Variants in IRF2BPL observed in about 807,000 individuals in gnomAD.
IRF2BPL encodes interferon regulatory factor 2 binding protein like.
Under a neutral mutation model 51.2 loss-of-function variants are expected in IRF2BPL, and 13 were observed. The observed-to-expected ratio is 0.25, with a 90% CI of 0.17 to 0.40. The LOEUF (loss-of-function observed/expected upper bound fraction) is 0.40, where lower values mean the gene tolerates loss of function less well. Ranked by LOEUF, IRF2BPL falls within the 10% of genes least tolerant of loss-of-function variation. The pLI is 1.00. For synonymous variants in IRF2BPL, 768 were observed against 509.2 expected, an observed-to-expected ratio of 1.51 and a Z score of -6.84; for missense variants, 1,210 against 1,111.8, an observed-to-expected ratio of 1.09 and a Z score of -1.26.
Position 77,025,386 on chromosome 14 carries a change from G to A in IRF2BPL, c.*16C>T, listed in dbSNP as rs1284639534. ...GAGGAGCTGGTCTAGGGCAAAGGAGGTGGCTGCCCAGTGGTTCAAGGGTCT... is the reference window on the plus strand; with the variant it reads ...GAGGAGCTGGTCTAGGGCAAAGGAGATGGCTGCCCAGTGGTTCAAGGGTCT... On this transcript the variant is annotated 3_prime_UTR_variant, in exon 1 of 1. Transcript: ENST00000238647. 1 of 1,518,920 alleles carries A rather than the reference G, an allele frequency of 6.6e-7. No individual in the cohort carries two copies. Among genetic ancestry groups the A allele is most frequent in the African/African-American group, 1.4e-5 (1 of 72,064 alleles). 94.1% of individuals were successfully genotyped at this position (1,518,920 alleles called of 1,614,324 possible).
In IRF2BPL at chr14:77,026,344, G is replaced by C. The variant is rs754262690; in HGVS notation, c.1449C>G (p.Arg483=). Residue 483 remains arginine (R), a synonymous_variant, in exon 1 of 1, where the codon CGC becomes CGG. Transcript: ENST00000238647. ...LLGDLLPEAV[R]FFKEGVPGAD... ...CGCCGGGCACGCCCTCCTTGAAGAA[G>C]CGCACGGCTTCGGGGAGCAGGTCTC... 2 of 1,600,090 alleles carry C rather than the reference G, an allele frequency of 1.2e-6. No individual in the cohort carries two copies. The highest frequency in any genetic ancestry group is 2.2e-5 in the South Asian group (2 of 89,352).
Position 77,026,531 on chromosome 14 carries a change from A to G in IRF2BPL, c.1262T>C (p.Ile421Thr). 2 of 1,613,782 alleles carry G rather than the reference A, an allele frequency of 1.2e-6. No homozygotes were observed. The highest frequency in any genetic ancestry group is 1.7e-6 in the Non-Finnish European group (2 of 1,180,020). ...GTTGCCCGAGCCCGTGGGGTACTCA[A>G]TGAACAGCTTCAATTCGTAGTCCAT... ...PGMDYELKLF[I>T]EYPTGSGNVY... is the part of the protein sequence containing the mutation. The change falls in exon 1 of 1, where the codon ATT (isoleucine) becomes ACT (threonine). Residue 421 changes from isoleucine to threonine, a missense_variant. Transcript: ENST00000238647.
chr14:77,027,843 C>T lies in IRF2BPL; in HGVS notation c.-51G>A, dbSNP rs779147196. 8.9e-5 allele frequency: 129 copies of T among 1,451,174 alleles called. No homozygotes were observed. Among genetic ancestry groups the T allele is most frequent in the Admixed American group, 1.8e-4 (8 of 43,632 alleles). The allele number at this position is 1,451,174 out of a possible 1,614,324, so 89.9% of individuals were successfully genotyped here. Reference sequence around the variant, plus strand: ...CCCCGCCCGGGCTGTCTCCGCGGCGCCTTCTCCTCCGGGAGGACTGGCCGG... The same window carrying T: ...CCCCGCCCGGGCTGTCTCCGCGGCGTCTTCTCCTCCGGGAGGACTGGCCGG... On this transcript the variant is annotated 5_prime_UTR_variant, in exon 1 of 1. Coordinates refer to ENST00000238647, the MANE Select transcript of IRF2BPL (RefSeq NM_024496.4).
chr14:77,027,887 T>G lies in IRF2BPL; in HGVS notation c.-95A>C. The G allele has an allele frequency of 1.5e-6, 2 of 1,346,920 alleles. No individual in the cohort carries two copies. Among genetic ancestry groups the G allele is most frequent in the South Asian group, 1.6e-5 (1 of 62,020 alleles). The allele number at this position is 1,346,920 out of a possible 1,614,324, so 83.4% of individuals were successfully genotyped here. A position where few individuals can be genotyped will look rare whatever the true frequency, so the allele number is the denominator to read the frequency against. On this transcript the variant is annotated 5_prime_UTR_variant, in exon 1 of 1. Coordinates refer to ENST00000238647, the MANE Select transcript of IRF2BPL (RefSeq NM_024496.4). Reference sequence around the variant, plus strand: ...TGGCCGGCTGGGGAGGGAGTCCGACTGCGGGGGAGGGAGGAGGGGGGGCGA... The same window carrying G: ...TGGCCGGCTGGGGAGGGAGTCCGACGGCGGGGGAGGGAGGAGGGGGGGCGA...
At position 77,027,140 on chromosome 14, in the gene IRF2BPL, G is replaced by T. The variant is rs148905018; in HGVS notation, c.653C>A (p.Ser218Tyr). 3.1e-6 allele frequency: 5 copies of T among 1,613,008 alleles called. No individual in the cohort carries two copies. In the African/African-American group the frequency reaches 4.0e-5, roughly 13 times the overall value. The part of the protein sequence containing the change: ...PPELNRQSPN[S>Y]SSAAASVASR... ...CGCCACCGACGCCGCCGCTGAAGAA[G>T]AATTGGGGCTCTGACGGTTCAGCTC... Residue 218 changes from serine to tyrosine, a missense_variant, in exon 1 of 1, where the codon TCT becomes TAT. Ser to Tyr is a moderately radical substitution (Grantham distance 144). Transcript: ENST00000238647.
Position 77,025,708 on chromosome 14 carries a change from G to C in IRF2BPL, c.2085C>G (p.Asp695Glu). 7.0e-6 allele frequency: 11 copies of C among 1,569,072 alleles called. No homozygotes were observed. Among genetic ancestry groups the C allele is most frequent in the Non-Finnish European group, 9.5e-6 (11 of 1,155,924 alleles). The change falls in exon 1 of 1, where the codon GAC becomes GAG. Residue 695 changes from aspartate (D) to glutamate (E), a missense_variant. Asp to Glu is a conservative substitution (Grantham distance 45, BLOSUM62 2). Coordinates refer to ENST00000238647, the MANE Select transcript of IRF2BPL (RefSeq NM_024496.4). ...CCGGAATGTTTTGGGGGTGCACTTG[G>C]TCCATGCCCGGGTGGGCGCTAGGCG... ...PPPPSAHPGMDQVHPQNIPDS... is the reference protein window; with the variant it reads ...PPPPSAHPGMEQVHPQNIPDS...
rs1566786860 is a variant in IRF2BPL at position 77,027,446 on chromosome 14, TGCTGTTGCTGCTGCTGCTGC to T, written c.327_346del (p.Gln110AlafsTer16). The T allele has an allele frequency of 1.7e-5, 17 of 973,304 alleles. No homozygotes were observed. The African/African-American group carries it at 2.4e-4, about 14-fold the overall frequency. 60.3% of individuals were successfully genotyped at this position (973,304 alleles called of 1,614,324 possible). On this transcript the variant is annotated frameshift_variant, in exon 1 of 1. Coordinates refer to ENST00000238647, the MANE Select transcript of IRF2BPL (RefSeq NM_024496.4). LOFTEE classifies it high-confidence loss of function. ...CTGCTGCTGCTGCTGCTGCTGCTGC[TGCTGTTGCTGCTGCTGCTGC>T]TGCTGTTGCTGTTGCTGTTGCGCGG...
At position 77,026,843 on chromosome 14, in the gene IRF2BPL, G is replaced by A. The variant is rs199617124; in HGVS notation, c.950C>T (p.Ser317Phe). 3.7e-6 allele frequency: 6 copies of A among 1,609,740 alleles called. No homozygotes were observed. The highest frequency in any genetic ancestry group is 2.7e-5 in the African/African-American group (2 of 74,804). The change falls in exon 1 of 1, where the codon TCT becomes TTT. Residue 317 changes from serine (S) to phenylalanine (F), a missense_variant. Transcript: ENST00000238647. ...CACGCCCACCTCTGCCACCGACGAA[G>A]AGGTCGAAGACGACGCGGAGGACGA... ...ATSSSASSST[S>F]SSVAEVGVGA...
rs1192599189 is a variant in IRF2BPL at position 77,026,682 on chromosome 14, T to G, written c.1111A>C (p.Lys371Gln). The change falls in exon 1 of 1, where the codon AAG becomes CAG. Residue 371 changes from lysine (K) to glutamine (Q), a missense_variant. Lys to Gln is a moderately conservative substitution (Grantham distance 53). Coordinates refer to ENST00000238647, the MANE Select transcript of IRF2BPL (RefSeq NM_024496.4). ...LRNRAEEWAS[K>Q]PKMVRDTLLT... ...AGCGTGTCGCGGACCATCTTGGGCT[T>G]GCTGGCCCACTCCTCGGCGCGGTTG... 1 of 1,612,988 alleles carries G rather than the reference T, an allele frequency of 6.2e-7. No homozygotes were observed. Among genetic ancestry groups the G allele is most frequent in the Non-Finnish European group, 8.5e-7 (1 of 1,179,674 alleles).
chr14:77,026,544 A>T lies in IRF2BPL; in HGVS notation c.1249T>A (p.Leu417Met), dbSNP rs764414828. ...AVSKPGMDYE[L>M]KLFIEYPTGS... Reference sequence around the variant, plus strand: ...GTGGGGTACTCAATGAACAGCTTCAATTCGTAGTCCATGCCGGGCTTGGAG... The same window carrying T: ...GTGGGGTACTCAATGAACAGCTTCATTTCGTAGTCCATGCCGGGCTTGGAG... The change falls in exon 1 of 1, where the codon TTG becomes ATG. Residue 417 changes from leucine to methionine, a missense_variant. By Grantham distance (15) the Leu-to-Met change is conservative. Coordinates refer to ENST00000238647, the MANE Select transcript of IRF2BPL (RefSeq NM_024496.4). 1 of 1,613,822 alleles carries T rather than the reference A, an allele frequency of 6.2e-7. No individual in the cohort carries two copies. Among genetic ancestry groups the T allele is most frequent in the African/African-American group, 1.3e-5 (1 of 75,056 alleles).
rs914629796 is a variant in IRF2BPL, at chr14:77,025,758, G to A, written c.2035C>T (p.Leu679=). 1.9e-6 allele frequency: 3 copies of A among 1,598,860 alleles called. No individual in the cohort carries two copies. Among genetic ancestry groups the A allele is most frequent in the African/African-American group, 1.3e-5 (1 of 74,758 alleles). Residue 679 remains leucine (L), a synonymous_variant, in exon 1 of 1, where the codon CTG becomes TTG. Transcript: ENST00000238647. ...QRRLASRNGD[L]NLQVAPPPPS... is the part of the protein sequence containing the mutation. ...GGCGGGGGCGCCACCTGTAAATTCAGGTCCCCGTTACGTGATGCCAAGCGG... is the reference window on the plus strand; with the variant it reads ...GGCGGGGGCGCCACCTGTAAATTCAAGTCCCCGTTACGTGATGCCAAGCGG...
rs891908771 is a variant in IRF2BPL at position 77,028,579 on chromosome 14, G to T, written c.-787C>A. On this transcript the variant is annotated 5_prime_UTR_variant, in exon 1 of 1. Transcript: ENST00000238647. ...GTTGGCTGCAGGGCGCTCGCGCGGCGCCTCGGCCCGGGTCGCATCCCTTCC... is the reference window on the plus strand; with the variant it reads ...GTTGGCTGCAGGGCGCTCGCGCGGCTCCTCGGCCCGGGTCGCATCCCTTCC... 8 of 382,988 alleles carry T rather than the reference G, an allele frequency of 2.1e-5. No individual in the cohort carries two copies. The allele number at this position is 382,988 out of a possible 1,614,324, so 23.7% of individuals were successfully genotyped here.
rs1229356683 is a variant in IRF2BPL, at chr14:77,024,912, GCATTTTTTTT to G, written c.*480_*489del. The G allele has an allele frequency of 1.8e-4, 16 of 90,374 alleles. No homozygotes were observed. The highest frequency in any genetic ancestry group is 3.0e-4 in the Non-Finnish European group (16 of 53,142). The allele number at this position is 90,374 out of a possible 1,614,324, so 5.6% of individuals were successfully genotyped here. A position where few individuals can be genotyped will look rare whatever the true frequency, so the allele number is the denominator to read the frequency against. ...AGAAGGAAGCTTTCACCATTTTATA[GCATTTTTTTT>G]TTTTTTTTTTTTTTTTTTTTTTTTT... On this transcript the variant is annotated 3_prime_UTR_variant, in exon 1 of 1. Transcript: ENST00000238647.
rs761716265 is a variant in IRF2BPL, at chr14:77,027,427, C to CTGCTGCTGCTGCTGCTGT, written c.365_366insACAGCAGCAGCAGCAGCA (p.Gln122_Gln127dup). The CTGCTGCTGCTGCTGCTGT allele has an allele frequency of 1.4e-4, 130 of 951,864 alleles. 1 individual carries two copies. Among genetic ancestry groups the CTGCTGCTGCTGCTGCTGT allele is most frequent in the Middle Eastern group, 7.0e-4 (2 of 2,872 alleles). The allele number at this position is 951,864 out of a possible 1,614,324, so 59.0% of individuals were successfully genotyped here. On this transcript the variant is annotated inframe_insertion, in exon 1 of 1. Transcript: ENST00000238647. ...CGTGGTTGAGCTGTTGTTGCTGCTG[C>CTGCTGCTGCTGCTGCTGT]TGCTGCTGCTGCTGCTGCTGCTGTT...
rs780441372 is a variant in IRF2BPL at position 77,027,301 on chromosome 14, C to CGCGGCG, written c.491_492insCGCCGC (p.Ala163_Ala164dup). On this transcript the variant is annotated inframe_insertion, in exon 1 of 1. Coordinates refer to ENST00000238647, the MANE Select transcript of IRF2BPL (RefSeq NM_024496.4). The stretch of plus-strand genomic sequence containing the variant: ...ACTCGAAGCGGCTGCGCTGTTCCAC[C>CGCGGCG]GCAGCGGCGGCGGCGGCGGCGGCGG... 3.5e-4 allele frequency: 535 copies of CGCGGCG among 1,525,274 alleles called. 1 individual carries two copies. The highest frequency in any genetic ancestry group is 4.4e-4 in the Non-Finnish European group (498 of 1,134,342). The allele number at this position is 1,525,274 out of a possible 1,614,324, so 94.5% of individuals were successfully genotyped here. A position where few individuals can be genotyped will look rare whatever the true frequency, so the allele number is the denominator to read the frequency against.
rs1007206175 is a variant in IRF2BPL at position 77,025,838 on chromosome 14, G to A, written c.1955C>T (p.Ser652Leu). The change falls in exon 1 of 1, where the codon TCG becomes TTG. Residue 652 changes from serine (S) to leucine (L), a missense_variant. Transcript: ENST00000238647. The stretch of plus-strand genomic sequence containing the variant: ...TGGGCTGCTGCTGTTTCGCCGCGCC[G>A]ACGCAGTGGTAGAGTGCACGGAACT... ...DGSSVHSTTA[S>L]ARRNSSSPVS... 1.9e-6 allele frequency: 3 copies of A among 1,612,636 alleles called. No individual in the cohort carries two copies. The highest frequency in any genetic ancestry group is 1.3e-5 in the African/African-American group (1 of 75,046).
At position 77,026,548 on chromosome 14, in the gene IRF2BPL, G is replaced by A. The variant is rs879027; in HGVS notation, c.1245C>T (p.Tyr415=). ...FDAVSKPGMD[Y]ELKLFIEYPT... ...GGTACTCAATGAACAGCTTCAATTCGTAGTCCATGCCGGGCTTGGAGACGG... is the reference window on the plus strand; with the variant it reads ...GGTACTCAATGAACAGCTTCAATTCATAGTCCATGCCGGGCTTGGAGACGG... Residue 415 remains tyrosine (Y), a synonymous_variant, in exon 1 of 1, where the codon TAC becomes TAT. Transcript: ENST00000238647. 0.51 allele frequency: 829,147 copies of A among 1,613,522 alleles called. 219,500 individuals carry two copies. Among genetic ancestry groups the A allele is most frequent in the East Asian group, 0.56 (25,086 of 44,862 alleles).
chr14:77,024,572 C>T lies in IRF2BPL; in HGVS notation c.*830G>A, dbSNP rs1057178356. ...TATCAATTGAATTTATTACAAGTTA[C>T]TAAGCTCCAAGGCACATTACAGTGT... is the stretch of plus-strand genomic sequence containing the variant. On this transcript the variant is annotated 3_prime_UTR_variant, in exon 1 of 1. Coordinates refer to ENST00000238647, the MANE Select transcript of IRF2BPL (RefSeq NM_024496.4). The T allele has an allele frequency of 1.3e-5, 2 of 152,562 alleles. No individual in the cohort carries two copies. The highest frequency in any genetic ancestry group is 4.8e-5 in the African/African-American group (2 of 41,458). 9.5% of individuals were successfully genotyped at this position (152,562 alleles called of 1,614,324 possible). A position where few individuals can be genotyped will look rare whatever the true frequency, so the allele number is the denominator to read the frequency against.
In IRF2BPL at chr14:77,026,851, AGAC is replaced by A. The variant is rs777518671; in HGVS notation, c.939_941del (p.Ser315del). ...CCTCTGCCACCGACGAAGAGGTCGA[AGAC>A]GACGCGGAGGACGACGTGGCCGATA... On this transcript the variant is annotated inframe_deletion, in exon 1 of 1. Transcript: ENST00000238647. The A allele has an allele frequency of 6.2e-7, 1 of 1,606,094 alleles. No individual in the cohort carries two copies. The highest frequency in any genetic ancestry group is 8.5e-7 in the Non-Finnish European group (1 of 1,176,782).
Sources: allele counts gnomAD v4.1 joint callset, GRCh38; gene constraint gnomAD v4.1.1; transcripts MANE v1.5; gene names NCBI Gene and HGNC (gene_info 2026-07-23, HGNC 2026-07-21).